Variants in PTPRR observed in about 807,000 individuals in gnomAD.
PTPRR encodes protein tyrosine phosphatase receptor type R.
Under a neutral mutation model 77.2 loss-of-function variants are expected in PTPRR, and 38 were observed. That is an observed-to-expected ratio of 0.49 (90% CI 0.38 to 0.65). PTPRR has a LOEUF of 0.65. Among genes scored for constraint, PTPRR ranks in the 30% least tolerant of loss-of-function variants. The probability of loss-of-function intolerance (pLI) is 0.00; values close to 1 mark genes in which losing one functional copy is unlikely to be tolerated. For synonymous variants in PTPRR, 299 were observed against 283.1 expected (o/e 1.06, Z -0.57); for missense variants, 744 against 799.2 (o/e 0.93, Z 0.83).
At chr12:70,859,123 C>T (rs7302190) in intron 2 of PTPRR, among the ~76,000 whole-genome samples, 71,711 of 151,750 alleles carry the variant, frequency 0.47, 17,679 homozygotes, top group East Asian at 0.61. Context: ...GATTTTAACT[C>T]TATATTAGCC....
At chr12:70,644,007 A>G (rs1886106433) in intron 13 of PTPRR, among the ~76,000 whole-genome samples, 1 of 152,208 alleles carries the variant, frequency 6.6e-6, no homozygotes, top group African/African-American at 2.4e-5. Flanking sequence ...CCAGCCAATC[A>G]TAAGCATCCA....
intron 1 of PTPRR, among the ~76,000 whole-genome samples, chr12:70,904,737 A>T (rs1276216340): frequency 1.3e-5 from 2 of 151,916 alleles, no homozygotes; most frequent in African/African-American, 4.8e-5. Context: ...CTTTTCTCAT[A>T]ACTAAATTTA....
intron 7 of PTPRR, among the ~76,000 whole-genome samples, chr12:70,700,432 C>T (rs1050796010): frequency 6.6e-6 from 1 of 152,134 alleles, no homozygotes; most frequent in African/African-American, 2.4e-5. Flanking sequence ...TTCTTTTTAG[C>T]CCACACTTGG....
chr12:70,758,955 C>G (rs932949885), intron 4 of PTPRR, among the ~76,000 whole-genome samples: 5 of 129,320 alleles, frequency 3.9e-5, no homozygotes, highest in Non-Finnish European at 8.5e-5. Context: ...TTGTTGTTGT[C>G]TGTTTGTTTT....
At chr12:70,728,246 C>G (rs1426044127) in intron 6 of PTPRR, among the ~76,000 whole-genome samples, 1 of 118,340 alleles carries the variant, frequency 8.5e-6, no homozygotes, top group Non-Finnish European at 1.6e-5. Flanking sequence ...TACATATATA[C>G]AGAGCTCAGC....
chr12:70,646,153 C>T (rs776514717), intron 13 of PTPRR, among the ~76,000 whole-genome samples: 136 of 152,124 alleles, frequency 8.9e-4, no homozygotes, highest in Non-Finnish European at 1.6e-3. Flanking sequence ...AAGGTGTGGA[C>T]GTTAATGTGC....
intron 13 of PTPRR, among the ~76,000 whole-genome samples, chr12:70,648,296 C>A (rs1203209546): frequency 6.6e-6 from 1 of 152,130 alleles, no homozygotes; most frequent in Non-Finnish European, 1.5e-5. Context: ...ACTATTGCGG[C>A]TATCCCATTG....
At chr12:70,880,135 TTAA>T (rs1361594895) in intron 2 of PTPRR, among the ~76,000 whole-genome samples, 1 of 145,168 alleles carries the variant, frequency 6.9e-6, no homozygotes, top group Admixed American at 6.8e-5. Flanking sequence ...CCATATAATG[TTAA>T]TAATAACAGT....
chr12:70,811,303 G>T (rs1891804329), intron 2 of PTPRR, among the ~76,000 whole-genome samples: 1 of 152,156 alleles, frequency 6.6e-6, no homozygotes, highest in South Asian at 2.1e-4. Context: ...TATGACAGAA[G>T]TTCAGTAAAC....
chr12:70,676,199 A>C (rs891916987), intron 10 of PTPRR, among the ~76,000 whole-genome samples: 5 of 150,618 alleles, frequency 3.3e-5, no homozygotes, highest in Non-Finnish European at 7.4e-5. Context: ...TGTCATTTTG[A>C]TCTTCTAGGT....
chr12:70,888,368 G>GCCT (rs752673431), intron 2 of PTPRR, among the ~76,000 whole-genome samples: 22 of 152,018 alleles, frequency 1.4e-4, no homozygotes, highest in Non-Finnish European at 2.9e-4. Flanking sequence ...CACTTGTGAT[G>GCCT]CCTCCCTTAT....
In PTPRR at chr12:70,920,657, G is replaced by A. The variant is rs1015009806; in HGVS notation, c.-267C>T. On this transcript the variant is annotated 5_prime_UTR_variant, in exon 1 of 14. Coordinates refer to ENST00000283228, the MANE Select transcript of PTPRR (RefSeq NM_002849.4). ...GCGGCAAATGCCTGGCCTTCTGGAC[G>A]CCCAGAAGCCAAGGCGGAGACGGCA... is the stretch of plus-strand genomic sequence containing the variant. 2 of 382,182 alleles carry A rather than the reference G, an allele frequency of 5.2e-6. No individual in the cohort carries two copies. Among genetic ancestry groups the A allele is most frequent in the East Asian group, 9.5e-5 (2 of 20,980 alleles). 23.7% of individuals were successfully genotyped at this position (382,182 alleles called of 1,614,324 possible). A position where few individuals can be genotyped will look rare whatever the true frequency, so the allele number is the denominator to read the frequency against.
At chr12:70,844,900 G>A (rs890213019) in intron 2 of PTPRR, among the ~76,000 whole-genome samples, 2 of 152,070 alleles carry the variant, frequency 1.3e-5, no homozygotes, top group African/African-American at 4.8e-5. Flanking sequence ...TTAGAATTTG[G>A]TTGAGGGTAA....
At chr12:70,643,723 A>G (rs928672147) in intron 13 of PTPRR, among the ~76,000 whole-genome samples, 1 of 152,066 alleles carries the variant, frequency 6.6e-6, no homozygotes, top group Non-Finnish European at 1.5e-5. Flanking sequence ...AAAGTTCCCA[A>G]TACAAAGTGG....
chr12:70,750,775 G>A (rs1223902314), intron 5 of PTPRR, among the ~76,000 whole-genome samples: 2 of 152,272 alleles, frequency 1.3e-5, no homozygotes, highest in East Asian at 1.9e-4. Flanking sequence ...TGAAGCCCAG[G>A]CTGGAGTAAA....
chr12:70,712,318 T>C (rs1888855205), intron 6 of PTPRR, among the ~76,000 whole-genome samples: 1 of 152,020 alleles, frequency 6.6e-6, no homozygotes, highest in Admixed American at 6.6e-5. Context: ...TTATCGGTGA[T>C]GCCTAGTACA....
intron 2 of PTPRR, among the ~76,000 whole-genome samples, chr12:70,870,530 A>G (rs114537675): frequency 0.014 from 2,164 of 152,344 alleles, 55 homozygotes; most frequent in African/African-American, 0.049. Flanking sequence ...AAAAATCTTT[A>G]CATCTCATTT....
At chr12:70,787,237 C>T (rs1891341554) in intron 2 of PTPRR, among the ~76,000 whole-genome samples, 1 of 152,082 alleles carries the variant, frequency 6.6e-6, no homozygotes, top group Non-Finnish European at 1.5e-5. Flanking sequence ...TATGTCTGAT[C>T]TAATTATTAA....
intron 2 of PTPRR, among the ~76,000 whole-genome samples, chr12:70,864,957 G>A (rs183711166): frequency 1.7e-3 from 264 of 151,966 alleles, no homozygotes; most frequent in African/African-American, 5.8e-3. Flanking sequence ...GATTACAGGC[G>A]TGCGTCACCA....
Sources: gnomAD v4.1 joint callset for allele counts (sites outside exome capture counted in the v4.1 genomes callset) on GRCh38, gnomAD v4.1.1 for gene constraint, MANE v1.5 for transcripts, NCBI Gene and HGNC (gene_info 2026-07-23, HGNC 2026-07-21) for gene names.